CAPN13: variants seen among roughly 807,000 people sequenced by gnomAD.
CAPN13 encodes the protein calpain 13.
Under a neutral mutation model 98.4 loss-of-function variants are expected in CAPN13, and 90 were observed. The ratio of observed to expected loss-of-function variants is 0.92; its 90% CI spans 0.77 to 1.09. The LOEUF (loss-of-function observed/expected upper bound fraction) is 1.09, where lower values mean the gene tolerates loss of function less well. Ranked by LOEUF, CAPN13 falls within the 50% of genes least tolerant of loss-of-function variation. The pLI is 0.00. For synonymous variants in CAPN13, 330 were observed against 305.5 expected (o/e 1.08, Z -0.84); for missense variants, 887 against 841.3 (o/e 1.05, Z -0.67).
intron 1 of CAPN13, among the ~76,000 whole-genome samples, chr2:30,791,150 G>T (rs1674588001): frequency 6.6e-6 from 1 of 152,294 alleles, no homozygotes; most frequent in Non-Finnish European, 1.5e-5. Context: ...AAGGGGAATT[G>T]GGTCATGTCG....
At chr2:30,804,229 C>G (rs1001055450) in intron 1 of CAPN13, among the ~76,000 whole-genome samples, 1 of 152,178 alleles carries the variant, frequency 6.6e-6, no homozygotes, top group African/African-American at 2.4e-5. Flanking sequence ...GAGACAGAGT[C>G]TCACTCTGTC....
intron 6 of CAPN13, 68 bp downstream of exon 6, chr2:30,764,064 A>AT: frequency 6.9e-7 from 1 of 1,458,048 alleles, no homozygotes. Flanking sequence ...AGCTGAATGG[A>AT]CCCCTGGCTG....
At chr2:30,743,357 A>G in intron 13 of CAPN13, 26 bp downstream of exon 13, 1 of 1,591,466 alleles carries the variant, frequency 6.3e-7, no homozygotes, top group Non-Finnish European at 8.6e-7. Context: ...AGAATAAAAC[A>G]TTTACAATCC....
chr2:30,758,802 CCCTCCCTTCCCTTCCTCCCTTCCTT>C (rs1558314679), intron 7 of CAPN13, among the ~76,000 whole-genome samples: 8,280 of 117,898 alleles, frequency 0.07, 344 homozygotes, highest in African/African-American at 0.12. Context: ...TTTCCTTCCT[CCCTCCCTTCCCTTCCTCCCTTCCTT>C]CCTCCCTTCC....
At chr2:30,738,206 A>C in intron 17 of CAPN13, 29 bp downstream of exon 17, 1 of 1,613,592 alleles carries the variant, frequency 6.2e-7, no homozygotes, top group South Asian at 1.1e-5. Context: ...GGGTGCTCAG[A>C]GCATGGGAGG....
At chr2:30,800,453 T>G (rs1379559097) in intron 1 of CAPN13, among the ~76,000 whole-genome samples, 1 of 152,190 alleles carries the variant, frequency 6.6e-6, no homozygotes, top group Non-Finnish European at 1.5e-5. Flanking sequence ...GATGGGTTCT[T>G]CTCAGGAGAC....
chr2:30,767,927 C>T (rs190174349), intron 5 of CAPN13, among the ~76,000 whole-genome samples: 1 of 152,174 alleles, frequency 6.6e-6, no homozygotes, highest in East Asian at 1.9e-4. Context: ...CCTGGCAGGC[C>T]CAGCTTAACT....
intron 1 of CAPN13, among the ~76,000 whole-genome samples, chr2:30,804,422 C>G (rs1294587089): frequency 6.6e-6 from 1 of 152,146 alleles, no homozygotes; most frequent in African/African-American, 2.4e-5. Context: ...AGACTGGCCT[C>G]GAACTCCTGA....
At chr2:30,800,124 GA>G (rs1363360889) in intron 1 of CAPN13, among the ~76,000 whole-genome samples, 1 of 110,002 alleles carries the variant, frequency 9.1e-6, no homozygotes, top group African/African-American at 4.0e-5. Context: ...AGAAAAGAAA[GA>G]AAGAAAGAAA....
At chr2:30,754,693 G>A (rs1010359519) in intron 8 of CAPN13, among the ~76,000 whole-genome samples, 1 of 152,116 alleles carries the variant, frequency 6.6e-6, no homozygotes, top group Non-Finnish European at 1.5e-5. Flanking sequence ...GCGAGAACAT[G>A]AGGAGTCCCT....
chr2:30,791,997 C>T lies in CAPN13; in HGVS notation c.-32-4640G>A, dbSNP rs533639386. 1.0e-3 allele frequency among the ~76,000 whole-genome samples: 158 copies of T among 152,236 alleles called. 1 individual carries two copies. Among genetic ancestry groups the T allele is most frequent in the African/African-American group, 3.7e-3 (152 of 41,540 alleles). On this transcript the variant is annotated intron_variant, in intron 1 of 22. Transcript: ENST00000295055. ...TATTGCCCCGGTTTCTCTCTTTTCC[C>T]TGAGCTACGTGTTGTTCTTCTACAT... is the stretch of plus-strand genomic sequence containing the variant.
intron 17 of CAPN13, chr2:30,737,268 A>G (rs1671417085): frequency 1.3e-5 from 2 of 152,392 alleles, no homozygotes; most frequent in South Asian, 2.1e-4. Context: ...CTGATTTATG[A>G]TTTCATCAAA....
chr2:30,798,102 T>C (rs527798189), intron 1 of CAPN13, among the ~76,000 whole-genome samples: 3 of 152,400 alleles, frequency 2.0e-5, no homozygotes, highest in Admixed American at 2.0e-4. Context: ...ATATCTGTGC[T>C]GTCTAATACA....
At chr2:30,785,876 G>A (rs143373407) in intron 2 of CAPN13, among the ~76,000 whole-genome samples, 4,210 of 150,060 alleles carry the variant, frequency 0.028, 93 homozygotes, top group Middle Eastern at 0.041. Context: ...AAGGCTAGAA[G>A]AAGAGAATCA....
At chr2:30,769,347 T>G (rs1246372282) in intron 5 of CAPN13, among the ~76,000 whole-genome samples, 1 of 152,172 alleles carries the variant, frequency 6.6e-6, no homozygotes, top group Non-Finnish European at 1.5e-5. Context: ...TGGAGGGTCC[T>G]GGATCCCCAC....
chr2:30,787,238 T>C lies in CAPN13; in HGVS notation c.88A>G (p.Ser30Gly), dbSNP rs777803907. ...TCATCCTTAAACGTCCGGCCCATGCTCAGGCAGTGATCCCGCAAGGTGGTA... is the reference window on the plus strand; with the variant it reads ...TCATCCTTAAACGTCCGGCCCATGCCCAGGCAGTGATCCCGCAAGGTGGTA... ...DFTTLRDHCL[S>G]MGRTFKDETF... is the part of the protein sequence containing the mutation. Residue 30 changes from serine (S) to glycine (G), a missense_variant, in exon 2 of 23, where the codon AGC becomes GGC. Ser to Gly is a moderately conservative substitution (Grantham distance 56). Transcript: ENST00000295055. The C allele has an allele frequency of 6.2e-7, 1 of 1,612,774 alleles. No individual in the cohort carries two copies. Among genetic ancestry groups the C allele is most frequent in the South Asian group, 1.1e-5 (1 of 90,464 alleles).
At chr2:30,776,966 C>A (rs1365454396) in intron 3 of CAPN13, among the ~76,000 whole-genome samples, 1 of 152,208 alleles carries the variant, frequency 6.6e-6, no homozygotes, top group East Asian at 1.9e-4. Context: ...GACCTATCAT[C>A]GGCAAGCTGA....
intron 1 of CAPN13, among the ~76,000 whole-genome samples, chr2:30,790,570 C>T (rs1558343132): frequency 6.6e-6 from 1 of 152,160 alleles, no homozygotes; most frequent in Non-Finnish European, 1.5e-5. Context: ...TCTTTAGCTC[C>T]CCTTGGTGTC....
rs1163438877 is a variant in CAPN13, at chr2:30,743,477, G to C, written c.1351C>G (p.Leu451Val). 1 of 1,613,956 alleles carries C rather than the reference G, an allele frequency of 6.2e-7. No homozygotes were observed. The highest frequency in any genetic ancestry group is 8.5e-7 in the Non-Finnish European group (1 of 1,179,830). Residue 451 changes from leucine (L) to valine (V), a missense_variant, in exon 13 of 23, where the codon CTG becomes GTG. Coordinates refer to ENST00000295055, the MANE Select transcript of CAPN13 (RefSeq NM_144575.3). ...ACCACAACATAGTTCCCAGGGCTCA[G>C]ATGGTAAGTCATGGTGAAGTTGCGG... ...FRRNFTMTYH[L>V]SPGNYVVVAQ... is the part of the protein sequence containing the mutation.
Sources: gnomAD v4.1 joint callset for allele counts (sites outside exome capture counted in the v4.1 genomes callset) on GRCh38, gnomAD v4.1.1 for gene constraint, MANE v1.5 for transcripts, NCBI Gene and HGNC (gene_info 2026-07-23, HGNC 2026-07-21) for gene names.